Variants in TEX15 observed in about 807,000 individuals in gnomAD.
TEX15 encodes the protein testis expressed 15, meiosis and synapsis associated, also known as testis-expressed protein 15.
Under a neutral mutation model 237.3 loss-of-function variants are expected in TEX15, and 171 were observed. The ratio of observed to expected loss-of-function variants is 0.72; its 90% CI spans 0.64 to 0.82. The LOEUF is 0.82. Among genes scored for constraint, TEX15 ranks in the 40% least tolerant of loss-of-function variants. TEX15 has a pLI of 0.00. For missense variants in TEX15, 3,750 were observed against 3,646.5 expected (o/e 1.03, Z -0.73); for synonymous variants, 1,338 against 1,269.8 (o/e 1.05, Z -1.14).
At chr8:30,899,578 G>A (rs1204945053) in intron 1 of TEX15, among the ~76,000 whole-genome samples, 5 of 152,180 alleles carry the variant, frequency 3.3e-5, no homozygotes, top group African/African-American at 1.2e-4. Context: ...AGCCTCCTGA[G>A]TAGCTGGGAT....
intron 1 of TEX15, among the ~76,000 whole-genome samples, chr8:30,908,953 G>A (rs779381137): frequency 4.0e-5 from 6 of 151,878 alleles, no homozygotes; most frequent in Non-Finnish European, 7.4e-5. Flanking sequence ...TGCCATTTCC[G>A]CATTCATATT....
chr8:30,868,513 T>C (rs1056845685), intron 4 of TEX15, among the ~76,000 whole-genome samples: 12 of 152,072 alleles, frequency 7.9e-5, no homozygotes, highest in African/African-American at 2.2e-4. Context: ...ACACCACTTA[T>C]AGAATGTGTT....
rs2128780449 is a variant in TEX15 at position 30,909,167 on chromosome 8, T to TTAAAGG, written c.-86+3711_-86+3712insCCTTTA. 1.3e-5 allele frequency among the ~76,000 whole-genome samples: 2 copies of TTAAAGG among 152,088 alleles called. 1 individual carries two copies. Among genetic ancestry groups the TTAAAGG allele is most frequent in the African/African-American group, 4.8e-5 (2 of 41,384 alleles). On this transcript the variant is annotated intron_variant, in intron 1 of 10. Transcript: ENST00000643185. ...ATACTCAAATCAGTTATTTTATTAA[T>TTAAAGG]CATTATCCTAAAAAATCTTCAAATT...
intron 3 of TEX15, among the ~76,000 whole-genome samples, chr8:30,877,852 T>C (rs1808432474): frequency 6.6e-6 from 1 of 152,188 alleles, no homozygotes; most frequent in Non-Finnish European, 1.5e-5. Context: ...TGTAGTTCTA[T>C]GTAATTTTAT....
chr8:30,858,349 G>T (rs1165317198), intron 7 of TEX15, among the ~76,000 whole-genome samples: 1 of 146,786 alleles, frequency 6.8e-6, no homozygotes, highest in African/African-American at 2.5e-5. Flanking sequence ...GTCTCCCTCT[G>T]TCACCTAGGC....
intron 3 of TEX15, among the ~76,000 whole-genome samples, chr8:30,886,005 T>C (rs1245703070): frequency 6.6e-6 from 1 of 152,210 alleles, no homozygotes; most frequent in Non-Finnish European, 1.5e-5. Context: ...ATCTTCATGG[T>C]AGCTGCTTTA....
chr8:30,868,317 A>G (rs1009447115), intron 4 of TEX15, among the ~76,000 whole-genome samples: 5 of 152,040 alleles, frequency 3.3e-5, no homozygotes, highest in Non-Finnish European at 7.4e-5. Context: ...GATATTCTAT[A>G]TGGCTTGCTC....
Position 30,874,939 on chromosome 8 carries a change from C to T in TEX15, c.300G>A (p.Lys100=), listed in dbSNP as rs1808370851. The stretch of plus-strand genomic sequence containing the variant: ...ACGTTTAGATCATAGTAACTTACCT[C>T]TTAGCAGTAAAATTTTTTTCCAGTT... ...NEELEKNFTA[K]RSEMRESGRH... is the part of the protein sequence containing the mutation. Residue 100 remains lysine, a splice_region_variant and synonymous_variant, in exon 4 of 11, where the codon AAG becomes AAA. Transcript: ENST00000643185. 3 of 1,330,684 alleles carry T rather than the reference C, an allele frequency of 2.3e-6. No homozygotes were observed. The highest frequency in any genetic ancestry group is 2.9e-6 in the Non-Finnish European group (3 of 1,040,132). The allele number at this position is 1,330,684 out of a possible 1,614,324, so 82.4% of individuals were successfully genotyped here.
chr8:30,883,445 T>C (rs1374495242), intron 3 of TEX15, among the ~76,000 whole-genome samples: 2 of 152,120 alleles, frequency 1.3e-5, no homozygotes, highest in African/African-American at 4.8e-5. Context: ...TACATAGATG[T>C]ATGTGTGCCA....
At chr8:30,910,080 T>C (rs1450299631) in intron 1 of TEX15, among the ~76,000 whole-genome samples, 1 of 152,102 alleles carries the variant, frequency 6.6e-6, no homozygotes, top group Non-Finnish European at 1.5e-5. Flanking sequence ...CTGCCAATTT[T>C]CCAAAATTTT....
chr8:30,874,347 AC>A (rs1405318157), intron 4 of TEX15, among the ~76,000 whole-genome samples: 1 of 152,230 alleles, frequency 6.6e-6, no homozygotes, highest in Non-Finnish European at 1.5e-5. Context: ...TTGTGCTTAC[AC>A]AAAATCTATA....
Position 30,842,899 on chromosome 8 carries a change from A to C in TEX15, c.7268T>G (p.Val2423Gly), listed in dbSNP as rs1348187688. The change falls in exon 8 of 11, where the codon GTT becomes GGT. Residue 2423 changes from valine (V) to glycine (G), a missense_variant. Val to Gly is a moderately radical substitution (Grantham distance 109). Coordinates refer to ENST00000643185, the MANE Select transcript of TEX15 (RefSeq NM_001350162.2). ...MDNIFITEEN[V>G]LDVVINHSHE... is the part of the protein sequence containing the mutation. ...GCTGTGGTTTATCACCACGTCTAAA[A>C]CATTTTCTTCTGTGATAAAAATATT... is the stretch of plus-strand genomic sequence containing the variant. 1 of 1,609,708 alleles carries C rather than the reference A, an allele frequency of 6.2e-7. No individual in the cohort carries two copies. The highest frequency in any genetic ancestry group is 2.2e-5 in the East Asian group (1 of 44,772).
At chr8:30,891,212 C>T (rs759183826) in intron 2 of TEX15, among the ~76,000 whole-genome samples, 1 of 152,040 alleles carries the variant, frequency 6.6e-6, no homozygotes, top group Non-Finnish European at 1.5e-5. Context: ...AGTGAGGGCA[C>T]CGTCATGGGA....
At chr8:30,901,198 C>T (rs561523414) in intron 1 of TEX15, among the ~76,000 whole-genome samples, 1 of 152,096 alleles carries the variant, frequency 6.6e-6, no homozygotes, top group African/African-American at 2.4e-5. Context: ...GCTTTTTTCT[C>T]TACCAGAAGC....
chr8:30,893,819 T>G (rs2128777562), intron 2 of TEX15, among the ~76,000 whole-genome samples: 1 of 152,354 alleles, frequency 6.6e-6, no homozygotes, highest in East Asian at 1.9e-4. Context: ...TTCTTATATC[T>G]AACTTTTGGT....
At position 30,849,158 on chromosome 8, in the gene TEX15, A is replaced by T. The variant is rs1807708190; in HGVS notation, c.1009T>A (p.Ser337Thr). ...ALNSEINPFI[S>T]NISNSYGNVQ... ...TTTCCATAGGAGTTAGAAATATTTGAGATGAAAGGATTTATCTCTGAATTT... is the reference window on the plus strand; with the variant it reads ...TTTCCATAGGAGTTAGAAATATTTGTGATGAAAGGATTTATCTCTGAATTT... Residue 337 changes from serine (S) to threonine (T), a missense_variant, in exon 8 of 11, where the codon TCA becomes ACA. Physicochemically the swap from Ser to Thr is moderately conservative, Grantham distance 58 (BLOSUM62 1). Transcript: ENST00000643185. 6.4e-7 allele frequency: 1 copy of T among 1,554,912 alleles called. No homozygotes were observed. Among genetic ancestry groups the T allele is most frequent in the African/African-American group, 1.4e-5 (1 of 73,424 alleles).
chr8:30,872,082 G>C (rs1390177535), intron 4 of TEX15, among the ~76,000 whole-genome samples: 1 of 151,962 alleles, frequency 6.6e-6, no homozygotes, highest in African/African-American at 2.4e-5. Context: ...GTGAGAGTAA[G>C]AATGTCTGTC....
intron 7 of TEX15, among the ~76,000 whole-genome samples, chr8:30,858,365 G>T (rs1194239045): frequency 6.6e-6 from 1 of 150,524 alleles, no homozygotes; most frequent in Non-Finnish European, 1.5e-5. Context: ...TAGGCTGGGC[G>T]CAGTGGTGTG....
Position 30,843,317 on chromosome 8 carries a change from T to C in TEX15, c.6850A>G (p.Thr2284Ala), listed in dbSNP as rs1807508125. Residue 2284 changes from threonine (T) to alanine (A), a missense_variant, in exon 8 of 11, where the codon ACA becomes GCA. Physicochemically the swap from Thr to Ala is moderately conservative, Grantham distance 58 (BLOSUM62 0). Transcript: ENST00000643185. The stretch of plus-strand genomic sequence containing the variant: ...GAGTATTTTTTGCTGAAGGATTGTG[T>C]TCTCTCTTTCCAAACAAGATTTTTT... ...AAKNLVWKER[T>A]QSFSKKYSQK... 2 of 1,612,100 alleles carry C rather than the reference T, an allele frequency of 1.2e-6. No homozygotes were observed. The highest frequency in any genetic ancestry group is 1.7e-6 in the Non-Finnish European group (2 of 1,179,366).
Sources: gnomAD v4.1 joint callset for allele counts (sites outside exome capture counted in the v4.1 genomes callset) on GRCh38, gnomAD v4.1.1 for gene constraint, MANE v1.5 for transcripts, NCBI Gene and HGNC (gene_info 2026-07-23, HGNC 2026-07-21) for gene names.